Variants in CCDC148 observed in about 807,000 individuals in gnomAD.
CCDC148 encodes the protein coiled-coil domain containing 148.
Under a neutral mutation model 85.7 loss-of-function variants are expected in CCDC148, and 89 were observed. The observed-to-expected ratio is 1.04, with a 90% confidence interval of 0.87 to 1.24. The LOEUF is 1.24. Ranked by LOEUF, CCDC148 falls within the 50% of genes most tolerant of loss-of-function variation. The probability of loss-of-function intolerance (pLI) is 0.00; values close to 1 mark genes in which losing one functional copy is unlikely to be tolerated. For synonymous variants in CCDC148, 230 were observed against 213.9 expected, an observed-to-expected ratio of 1.08 and a Z score of -0.66; for missense variants, 692 against 671.7, an observed-to-expected ratio of 1.03 and a Z score of -0.33.
At chr2:158,205,669 T>C (rs1686204606) in intron 11 of CCDC148, among the ~76,000 whole-genome samples, 2 of 152,132 alleles carry the variant, frequency 1.3e-5, no homozygotes, top group Admixed American at 1.3e-4. Context: ...TAATGCCAGA[T>C]GATTCTTTGT....
At chr2:158,320,175 A>G (rs1051930301) in intron 7 of CCDC148, among the ~76,000 whole-genome samples, 1 of 152,202 alleles carries the variant, frequency 6.6e-6, no homozygotes, top group Admixed American at 6.5e-5. Context: ...TTAATTAGCC[A>G]TCATAAGGTC....
intron 7 of CCDC148, among the ~76,000 whole-genome samples, chr2:158,325,881 T>A (rs1235089400): frequency 2.0e-5 from 3 of 152,178 alleles, no homozygotes; most frequent in Non-Finnish European, 2.9e-5. Flanking sequence ...ATCCAAGAGC[T>A]GAACTGGATT....
intron 10 of CCDC148, among the ~76,000 whole-genome samples, chr2:158,238,622 C>G (rs1688214450): frequency 6.6e-6 from 1 of 152,034 alleles, no homozygotes; most frequent in Non-Finnish European, 1.5e-5. Flanking sequence ...AATTCATTAT[C>G]TCAGAGGGAA....
At chr2:158,335,288 G>T (rs569611404) in intron 7 of CCDC148, among the ~76,000 whole-genome samples, 4 of 152,296 alleles carry the variant, frequency 2.6e-5, no homozygotes, top group African/African-American at 9.6e-5. Context: ...CCTGAGCTTT[G>T]CTCAGGGTAG....
Position 158,220,687 on chromosome 2 carries a change from T to C in CCDC148, c.1278A>G (p.Lys426=). The C allele has an allele frequency of 1.3e-6, 2 of 1,586,502 alleles. No homozygotes were observed. Among genetic ancestry groups the C allele is most frequent in the South Asian group, 1.2e-5 (1 of 85,088 alleles). Residue 426 remains lysine, a synonymous_variant, in exon 11 of 14, where the codon AAA becomes AAG. Transcript: ENST00000283233. ...TCATTTCCATTTCTTGCCACTTCTG[T>C]TTTTTCTTGGCCCAGTATTTTTTTA... ...KKIKKYWAKK[K]QKWQEMEMRD...
chr2:158,247,029 C>T (rs1470093732), intron 10 of CCDC148, among the ~76,000 whole-genome samples: 2 of 152,028 alleles, frequency 1.3e-5, no homozygotes, highest in African/African-American at 2.4e-5. Flanking sequence ...ATTACTTGAG[C>T]GTTTTAAATT....
intron 5 of CCDC148, 134 bp from the exon 6 acceptor site, chr2:158,339,219 A>T (rs1324991047): frequency 1.5e-6 from 1 of 684,462 alleles, no homozygotes; most frequent in African/African-American, 1.8e-5. Context: ...AGTTAAAGAG[A>T]TGCCAGCCAG....
chr2:158,298,020 G>A (rs935563436), intron 9 of CCDC148, among the ~76,000 whole-genome samples: 6 of 152,206 alleles, frequency 3.9e-5, no homozygotes, highest in African/African-American at 1.4e-4. Context: ...GAGTCCTCAG[G>A]AAATTTACAG....
intron 9 of CCDC148, among the ~76,000 whole-genome samples, chr2:158,303,577 C>T (rs1691546893): frequency 6.6e-6 from 1 of 152,120 alleles, no homozygotes; most frequent in South Asian, 2.1e-4. Context: ...TCATTCTGAT[C>T]CCAGCTATAA....
Position 158,250,786 on chromosome 2 carries a change from C to G in CCDC148, c.1237G>C (p.Glu413Gln), listed in dbSNP as rs376045877. The G allele has an allele frequency of 1.9e-6, 3 of 1,571,970 alleles. No homozygotes were observed. Among genetic ancestry groups the G allele is most frequent in the Non-Finnish European group, 2.6e-6 (3 of 1,160,810 alleles). Reference sequence around the variant, plus strand: ...AGATTTTTTACTTTTTTTTTCTTCTCTGCTCTTTGCAACAATTCCTTCTTC... The same window carrying G: ...AGATTTTTTACTTTTTTTTTCTTCTGTGCTCTTTGCAACAATTCCTTCTTC... ...WKKKELLQRAEKKKKIKKYWA... is the reference protein window; with the variant it reads ...WKKKELLQRAQKKKKIKKYWA... Residue 413 changes from glutamate (E) to glutamine (Q), a missense_variant, in exon 10 of 14, where the codon GAG becomes CAG. Physicochemically the swap from Glu to Gln is conservative, Grantham distance 29. Coordinates refer to ENST00000283233, the MANE Select transcript of CCDC148 (RefSeq NM_138803.4).
intron 1 of CCDC148, among the ~76,000 whole-genome samples, chr2:158,439,343 G>A (rs1687827646): frequency 7.7e-6 from 1 of 130,488 alleles, no homozygotes; most frequent in Non-Finnish European, 1.8e-5. Flanking sequence ...GGATGAAGCT[G>A]GAAACCATCA....
At chr2:158,293,522 G>A (rs1216497353) in intron 9 of CCDC148, among the ~76,000 whole-genome samples, 1 of 152,208 alleles carries the variant, frequency 6.6e-6, no homozygotes, top group East Asian at 1.9e-4. Context: ...AGTAGATGGA[G>A]ACTAAGAGAA....
intron 9 of CCDC148, among the ~76,000 whole-genome samples, chr2:158,291,916 C>G (rs1189759738): frequency 1.3e-5 from 2 of 152,078 alleles, no homozygotes; most frequent in Non-Finnish European, 2.9e-5. Flanking sequence ...TTTCAAATAC[C>G]CAGGCATTCA....
At chr2:158,352,975 T>A (rs991038697) in intron 2 of CCDC148, among the ~76,000 whole-genome samples, 3 of 149,702 alleles carry the variant, frequency 2.0e-5, no homozygotes, top group African/African-American at 7.4e-5. Context: ...CCAGCCAAAC[T>A]AAGCTTCATA....
intron 9 of CCDC148, among the ~76,000 whole-genome samples, chr2:158,293,803 T>C (rs1403244094): frequency 6.6e-6 from 1 of 152,200 alleles, no homozygotes; most frequent in East Asian, 1.9e-4. Flanking sequence ...CCTTTATTCA[T>C]AGTAATAATC....
intron 10 of CCDC148, among the ~76,000 whole-genome samples, chr2:158,228,456 G>A (rs1433229318): frequency 6.6e-6 from 1 of 152,162 alleles, no homozygotes; most frequent in East Asian, 1.9e-4. Context: ...TCCCATTGCT[G>A]GGTATACACC....
chr2:158,205,786 T>C (rs1158915943), intron 11 of CCDC148, among the ~76,000 whole-genome samples: 1 of 152,170 alleles, frequency 6.6e-6, no homozygotes, highest in Non-Finnish European at 1.5e-5. Context: ...AAGAGAAAGC[T>C]GTCCAGCTGG....
rs1036127656 is a variant in CCDC148 at position 158,446,767 on chromosome 2, A to G, written c.25+9648T>C. 3.3e-5 allele frequency among the ~76,000 whole-genome samples: 5 copies of G among 152,338 alleles called. No individual in the cohort carries two copies. The South Asian group carries it at 1.0e-3, about 32-fold the overall frequency. ...AAAACATTCAGTCATAACCACTTGT[A>G]TTAAATCCTCCCATCCCAGTCTAAG... is the stretch of plus-strand genomic sequence containing the variant. On this transcript the variant is annotated intron_variant, in intron 1 of 13. Coordinates refer to ENST00000283233, the MANE Select transcript of CCDC148 (RefSeq NM_138803.4).
At chr2:158,212,409 C>T (rs1358066355) in intron 11 of CCDC148, among the ~76,000 whole-genome samples, 4 of 152,222 alleles carry the variant, frequency 2.6e-5, no homozygotes, top group Non-Finnish European at 4.4e-5. Context: ...TACAACATGT[C>T]GAAATTTGCA....
Sources: gnomAD v4.1 joint callset for allele counts (sites outside exome capture counted in the v4.1 genomes callset) on GRCh38, gnomAD v4.1.1 for gene constraint, MANE v1.5 for transcripts, NCBI Gene and HGNC (gene_info 2026-07-23, HGNC 2026-07-21) for gene names.